The following NRG3 variants were observed in gnomAD, a reference collection of about 807,000 sequenced individuals.
NRG3 encodes neuregulin 3.
NRG3 carries 31 observed loss-of-function variants against 66.9 expected under a neutral mutation model. The observed-to-expected ratio is 0.46, with a 90% CI of 0.35 to 0.63. NRG3 has a LOEUF of 0.63. Among genes scored for constraint, NRG3 ranks in the 20% least tolerant of loss-of-function variants. NRG3 has a pLI of 0.00. For synonymous variants in NRG3, 393 were observed against 359.4 expected (o/e 1.09, Z -1.06); for missense variants, 910 against 878.9 (o/e 1.04, Z -0.45).
chr10:82,405,454 G>GTTTTTTTTTTTTTTTTTT (rs779040062), intron 2 of NRG3, among the ~76,000 whole-genome samples: 1 of 139,920 alleles, frequency 7.1e-6, no homozygotes. Flanking sequence ...GATCTCAGTA[G>GTTTTTTTTTTTTTTTTTT]TTTGTTTTTT....
chr10:82,911,642 A>C (rs1845330205), intron 4 of NRG3, among the ~76,000 whole-genome samples: 1 of 151,508 alleles, frequency 6.6e-6, no homozygotes, highest in African/African-American at 2.4e-5. Context: ...TTTCTTAGTT[A>C]AACTGGCTTT....
intron 1 of NRG3, among the ~76,000 whole-genome samples, chr10:82,055,472 G>A (rs371571975): frequency 4.8e-5 from 5 of 103,590 alleles, no homozygotes; most frequent in Admixed American, 3.1e-4. Flanking sequence ...GTGAGACTCC[G>A]TCTCAAAAAA....
intron 1 of NRG3, among the ~76,000 whole-genome samples, chr10:82,224,649 A>G (rs992144794): frequency 6.6e-6 from 1 of 152,188 alleles, no homozygotes; most frequent in African/African-American, 2.4e-5. Flanking sequence ...ATGCATTGAA[A>G]TCTACATGAC....
At chr10:82,417,363 A>T (rs78740991) in intron 2 of NRG3, among the ~76,000 whole-genome samples, 1 of 152,196 alleles carries the variant, frequency 6.6e-6, no homozygotes, top group Non-Finnish European at 1.5e-5. Flanking sequence ...GGCAAAATAC[A>T]TGGATATAGA....
At chr10:82,304,925 G>T (rs1225926583) in intron 1 of NRG3, among the ~76,000 whole-genome samples, 1 of 146,916 alleles carries the variant, frequency 6.8e-6, no homozygotes, top group East Asian at 2.0e-4. Context: ...GACTATCACA[G>T]ATCTTCTTGA....
intron 1 of NRG3, among the ~76,000 whole-genome samples, chr10:81,883,855 G>A (rs1156257190): frequency 6.6e-6 from 1 of 151,888 alleles, no homozygotes. Flanking sequence ...TTTTAGTAAT[G>A]TAGAAGGATT....
intron 1 of NRG3, among the ~76,000 whole-genome samples, chr10:82,286,970 A>G (rs1296366873): frequency 6.6e-6 from 1 of 152,166 alleles, no homozygotes; most frequent in African/African-American, 2.4e-5. Flanking sequence ...CTGATCTGGG[A>G]CTCAGGGTGT....
intron 2 of NRG3, among the ~76,000 whole-genome samples, chr10:82,715,259 G>T (rs2056905020): frequency 6.6e-6 from 1 of 152,140 alleles, no homozygotes; most frequent in Non-Finnish European, 1.5e-5. Context: ...TTAGCCAGCT[G>T]TGATGGCACA....
At chr10:82,868,397 A>G (rs1274511028) in intron 4 of NRG3, among the ~76,000 whole-genome samples, 1 of 152,190 alleles carries the variant, frequency 6.6e-6, no homozygotes, top group Admixed American at 6.5e-5. Flanking sequence ...ATAGATTCTA[A>G]TCATAGCTAT....
chr10:82,415,861 G>A (rs573510626), intron 2 of NRG3, among the ~76,000 whole-genome samples: 1 of 152,120 alleles, frequency 6.6e-6, no homozygotes, highest in Non-Finnish European at 1.5e-5. Flanking sequence ...ATGTAAAGAT[G>A]TTCAGGTAAT....
At chr10:82,066,754 A>C (rs1431922617) in intron 1 of NRG3, among the ~76,000 whole-genome samples, 5 of 152,146 alleles carry the variant, frequency 3.3e-5, no homozygotes, top group African/African-American at 9.7e-5. Context: ...GGACCAGTAA[A>C]CATTGGGATC....
At chr10:82,873,742 A>G (rs981112415) in intron 4 of NRG3, among the ~76,000 whole-genome samples, 2 of 152,188 alleles carry the variant, frequency 1.3e-5, no homozygotes, top group African/African-American at 4.8e-5. Context: ...GCAAGGGACA[A>G]GTAGAGTTGA....
chr10:82,895,879 T>C (rs1591861899), intron 4 of NRG3, among the ~76,000 whole-genome samples: 1 of 152,246 alleles, frequency 6.6e-6, no homozygotes, highest in African/African-American at 2.4e-5. Context: ...CTGGCTGGCC[T>C]AATGTCATTT....
At chr10:82,318,430 G>A (rs911547691) in intron 1 of NRG3, among the ~76,000 whole-genome samples, 1 of 152,136 alleles carries the variant, frequency 6.6e-6, no homozygotes, top group Non-Finnish European at 1.5e-5. Context: ...TAAGATTACC[G>A]TGTTTCACTC....
At chr10:82,161,168 T>G (rs2132947090) in intron 1 of NRG3, among the ~76,000 whole-genome samples, 1 of 152,142 alleles carries the variant, frequency 6.6e-6, no homozygotes, top group East Asian at 1.9e-4. Context: ...GGATGTCAAA[T>G]AAGCCATTGA....
At chr10:82,781,925 C>T (rs1181749313) in intron 3 of NRG3, among the ~76,000 whole-genome samples, 1 of 152,152 alleles carries the variant, frequency 6.6e-6, no homozygotes, top group Non-Finnish European at 1.5e-5. Context: ...CAGTGGTTTA[C>T]AAGTACTGCC....
At chr10:82,210,309 T>G (rs570833592) in intron 1 of NRG3, among the ~76,000 whole-genome samples, 11 of 152,258 alleles carry the variant, frequency 7.2e-5, no homozygotes, top group Non-Finnish European at 1.0e-4. Flanking sequence ...CAGATATTAT[T>G]TGAAGTTGTT....
rs141499480 is a variant in NRG3, at chr10:82,197,748, A to G, written c.824-160991A>G. Among the ~76,000 whole-genome samples the G allele has an allele frequency of 7.7e-3, 1,173 of 152,326 alleles. 12 individuals carry two copies. Among genetic ancestry groups the G allele is most frequent in the Non-Finnish European group, 0.014 (921 of 68,012 alleles). On this transcript the variant is annotated intron_variant, in intron 1 of 8. Transcript: ENST00000372141. ...ATACTAGAAGAAGTGAGGCTATTCT[A>G]GAACTTAATTGATTCCTGATAAATC...
intron 2 of NRG3, among the ~76,000 whole-genome samples, chr10:82,376,321 G>A (rs1589900585): frequency 6.6e-6 from 1 of 152,314 alleles, no homozygotes; most frequent in African/African-American, 2.4e-5. Flanking sequence ...GTCTTTTAAA[G>A]CTGCCTAAGT....
Sources: gnomAD v4.1 joint callset for allele counts (sites outside exome capture counted in the v4.1 genomes callset) on GRCh38, gnomAD v4.1.1 for gene constraint, MANE v1.5 for transcripts, NCBI Gene and HGNC (gene_info 2026-07-23, HGNC 2026-07-21) for gene names.